Variants in LARP4 observed in about 807,000 individuals in gnomAD.
The protein encoded by LARP4 is la-related protein 4.
LARP4 carries 29 observed loss-of-function variants against 92.9 expected under a neutral mutation model. That is an observed-to-expected ratio of 0.31 (90% confidence interval 0.23 to 0.43). LARP4 has a LOEUF of 0.43. Among genes scored for constraint, LARP4 ranks in the 20% least tolerant of loss-of-function variants. The pLI, the probability that LARP4 is intolerant of heterozygous loss-of-function variation, is 1.00. For synonymous variants in LARP4, 279 were observed against 284.1 expected (o/e 0.98, Z 0.18); for missense variants, 732 against 860.0 (o/e 0.85, Z 1.86).
intron 1 of LARP4, chr12:50,402,780 G>T (rs1944111937): frequency 2.2e-6 from 1 of 455,726 alleles, no homozygotes; most frequent in South Asian, 1.6e-5. Context: ...TCATGGACGG[G>T]ATGTTAGCAA....
At chr12:50,421,385 T>C (rs1291681439) in intron 1 of LARP4, 11 of 632,624 alleles carry the variant, frequency 1.7e-5, no homozygotes, top group Non-Finnish European at 2.2e-5. Flanking sequence ...GGCTCACACC[T>C]GTAATCCCAG....
chr12:50,473,792 G>C (rs1271572698), intron 14 of LARP4, among the ~76,000 whole-genome samples: 5 of 135,872 alleles, frequency 3.7e-5, no homozygotes, highest in Non-Finnish European at 8.0e-5. Context: ...CTTGAACCGG[G>C]GGGTGGGGGT....
intron 6 of LARP4, among the ~76,000 whole-genome samples, chr12:50,439,696 G>A (rs999357281): frequency 2.0e-5 from 3 of 152,076 alleles, no homozygotes; most frequent in African/African-American, 7.2e-5. Context: ...TGAGCTCTCA[G>A]GCTGCATTTG....
intron 10 of LARP4, among the ~76,000 whole-genome samples, chr12:50,459,771 C>T (rs1448444761): frequency 6.8e-6 from 1 of 146,116 alleles, no homozygotes. Context: ...TTGCAGTGAC[C>T]TGAGATCGCG....
At chr12:50,449,796 A>C (rs965263476) in intron 8 of LARP4, among the ~76,000 whole-genome samples, 19 of 151,840 alleles carry the variant, frequency 1.3e-4, no homozygotes, top group Admixed American at 1.1e-3. Flanking sequence ...AAAAGTGTTG[A>C]TTTTTTAGCC....
intron 3 of LARP4, 47 bp downstream of exon 3, chr12:50,429,137 A>AC (rs770709946): frequency 2.2e-6 from 3 of 1,381,320 alleles, no homozygotes; most frequent in Non-Finnish European, 3.0e-6. Context: ...AGTACAGGAC[A>AC]CCCCCCACCC....
At chr12:50,456,700 T>A (rs796233163) in intron 10 of LARP4, among the ~76,000 whole-genome samples, 8 of 152,316 alleles carry the variant, frequency 5.3e-5, no homozygotes, top group African/African-American at 1.9e-4. Context: ...ATCACTTCTT[T>A]CTTTCTTCAT....
chr12:50,452,039 AGT>A (rs1491109323), intron 8 of LARP4, among the ~76,000 whole-genome samples: 1 of 152,096 alleles, frequency 6.6e-6, no homozygotes, highest in Non-Finnish European at 1.5e-5. Flanking sequence ...ATGGTATTCC[AGT>A]GTGTGTGTAC....
intron 12 of LARP4, among the ~76,000 whole-genome samples, chr12:50,465,371 CAAAAAA>C (rs368980753): frequency 8.9e-6 from 1 of 112,370 alleles, no homozygotes. Flanking sequence ...GACTCTGTCT[CAAAAAA>C]AAAAAAAAAA....
intron 1 of LARP4, among the ~76,000 whole-genome samples, chr12:50,409,731 C>T (rs558971605): frequency 9.9e-4 from 150 of 151,030 alleles, no homozygotes; most frequent in African/African-American, 3.5e-3. Context: ...TGCCACTGCA[C>T]TCCAGCCTGG....
intron 5 of LARP4, among the ~76,000 whole-genome samples, chr12:50,436,044 A>C (rs1950358277): frequency 9.5e-6 from 1 of 105,386 alleles, no homozygotes; most frequent in South Asian, 3.6e-4. Context: ...TCCCATTTTT[A>C]CTGACTCTGT....
At chr12:50,467,993 T>C (rs1485642413) in intron 13 of LARP4, among the ~76,000 whole-genome samples, 1 of 152,172 alleles carries the variant, frequency 6.6e-6, no homozygotes, top group African/African-American at 2.4e-5. Context: ...TTTTATTTTT[T>C]CTTTTGAGAT....
At chr12:50,416,363 A>G (rs1946792076) in intron 1 of LARP4, 1 of 152,134 alleles carries the variant, frequency 6.6e-6, no homozygotes, top group Non-Finnish European at 1.5e-5. Context: ...CAGAGCGTCT[A>G]CTGCACCTTT....
intron 13 of LARP4, among the ~76,000 whole-genome samples, chr12:50,472,834 T>C (rs1387381588): frequency 6.6e-6 from 1 of 151,390 alleles, no homozygotes; most frequent in Non-Finnish European, 1.5e-5. Flanking sequence ...TTTTTTTTTT[T>C]TTTGGGACGG....
intron 4 of LARP4, 90 bp downstream of exon 4, chr12:50,430,660 A>ATT: frequency 6.0e-5 from 37 of 618,368 alleles, no homozygotes; most frequent in South Asian, 7.9e-5. Flanking sequence ...TATTTAACTA[A>ATT]TTTTTTTTTT....
chr12:50,424,398 G>A (rs1428604317), intron 1 of LARP4, among the ~76,000 whole-genome samples: 1 of 149,094 alleles, frequency 6.7e-6, no homozygotes, highest in Non-Finnish European at 1.5e-5. Flanking sequence ...CGCTCTTGTC[G>A]CCCAGGCTGG....
intron 14 of LARP4, 78 bp from the exon 15 acceptor site, chr12:50,473,918 AAAT>A (rs2139188620): frequency 7.7e-7 from 1 of 1,300,780 alleles, no homozygotes; most frequent in East Asian, 2.4e-5. Context: ...TCAAAAAAAA[AAAT>A]TACGTTTTCT....
intron 9 of LARP4, among the ~76,000 whole-genome samples, chr12:50,454,112 C>G (rs1229926080): frequency 6.6e-6 from 1 of 152,076 alleles, no homozygotes; most frequent in Non-Finnish European, 1.5e-5. Flanking sequence ...AAATGTCAGA[C>G]CAGACATTCT....
chr12:50,401,184 C>A (rs970861224), intron 1 of LARP4, 156 bp downstream of exon 1: 10 of 784,302 alleles, frequency 1.3e-5, no homozygotes, highest in Middle Eastern at 5.4e-4. Flanking sequence ...CTGCAGCTTC[C>A]CTCTGCGCGC....
Sources: allele counts gnomAD v4.1 joint callset (sites outside exome capture counted in the v4.1 genomes callset), GRCh38; gene constraint gnomAD v4.1.1; transcripts MANE v1.5; gene names NCBI Gene and HGNC (gene_info 2026-07-23, HGNC 2026-07-21).